The following RNF157 variants were observed in gnomAD, a reference collection of about 807,000 sequenced individuals.
RNF157 encodes ring finger protein 157.
Under a neutral mutation model 88.3 loss-of-function variants are expected in RNF157, and 55 were observed. That is an observed-to-expected ratio of 0.62 (90% CI 0.50 to 0.78). The LOEUF (loss-of-function observed/expected upper bound fraction) is 0.78. Ranked by LOEUF, RNF157 falls within the 30% of genes least tolerant of loss-of-function variation. The probability of loss-of-function intolerance (pLI) is 0.00; values close to 1 mark genes in which losing one functional copy is unlikely to be tolerated. For missense variants in RNF157, 788 were observed against 860.8 expected (o/e 0.92, Z 1.06); for synonymous variants, 334 against 341.2 (o/e 0.98, Z 0.23).
rs2144961975 is a variant in RNF157, at chr17:76,195,895, T to G, written c.207+16469A>C. The stretch of plus-strand genomic sequence containing the variant: ...AGCCCATACCTCCCATACCTGTCAG[T>G]GTGTGCCATGTCAGTTTACTATTGC... On this transcript the variant is annotated intron_variant, in intron 2 of 18. Transcript: ENST00000269391. This position sits in a 1 kb window ranked among gnomAD's most constrained non-coding sequence, Gnocchi z 4.4. Among the ~76,000 whole-genome samples the G allele has an allele frequency of 6.6e-6, 1 of 152,338 alleles. No individual in the cohort carries two copies. The highest frequency in any genetic ancestry group is 2.4e-5 in the African/African-American group (1 of 41,564).
At chr17:76,225,658 G>A (rs1332698780) in intron 1 of RNF157, 1 of 1,101,654 alleles carries the variant, frequency 9.1e-7, no homozygotes, top group Non-Finnish European at 1.2e-6. Context: ...CAAATAATAT[G>A]TATTTTTTTC....
intron 1 of RNF157, among the ~76,000 whole-genome samples, chr17:76,234,408 G>C (rs777909967): frequency 9.9e-5 from 15 of 152,206 alleles, no homozygotes; most frequent in African/African-American, 3.4e-4. Flanking sequence ...TAGAACTGCT[G>C]AGTCATCTAG....
chr17:76,153,568 C>T (rs1282837334), intron 17 of RNF157: 5 of 151,966 alleles, frequency 3.3e-5, no homozygotes, highest in African/African-American at 1.2e-4. Context: ...ATAGTGTTCC[C>T]TGCTTGGGGG....
rs1287835678 is a variant in RNF157, at chr17:76,162,006, G to T, written c.793-4C>A. The T allele has an allele frequency of 6.2e-7, 1 of 1,611,992 alleles. No homozygotes were observed. The highest frequency in any genetic ancestry group is 8.5e-7 in the Non-Finnish European group (1 of 1,178,570). On this transcript the variant is annotated splice_region_variant and splice_polypyrimidine_tract_variant and intron_variant, in intron 9 of 18. Transcript: ENST00000269391. ...CACTCACTTCGTCTTCAGCCACCTG[G>T]CCAAGGAGAAAGAAATGTAGCCAAT...
chr17:76,210,736 A>G (rs2069782075), intron 2 of RNF157, among the ~76,000 whole-genome samples: 2 of 151,950 alleles, frequency 1.3e-5, no homozygotes, highest in African/African-American at 2.4e-5. Context: ...ACCTACCTAC[A>G]AGTCTTAAAT....
In RNF157 at chr17:76,195,245, G is replaced by A. The variant is rs1189700064; in HGVS notation, c.207+17119C>T. 6.6e-6 allele frequency among the ~76,000 whole-genome samples: 1 copy of A among 152,176 alleles called. No homozygotes were observed. The highest frequency in any genetic ancestry group is 1.5e-5 in the Non-Finnish European group (1 of 68,030). ...AGAGCAAGGCTGGAAACAGGAGACTGGGGTTGGTGTGAAAAGCATTTAGAC... is the reference window on the plus strand; with the variant it reads ...AGAGCAAGGCTGGAAACAGGAGACTAGGGTTGGTGTGAAAAGCATTTAGAC... On this transcript the variant is annotated intron_variant, in intron 2 of 18. Coordinates refer to ENST00000269391, the MANE Select transcript of RNF157 (RefSeq NM_052916.3). This position sits in a 1 kb window ranked among gnomAD's most constrained non-coding sequence, Gnocchi z 4.4.
chr17:76,210,391 C>G (rs556650944), intron 2 of RNF157, among the ~76,000 whole-genome samples: 11 of 151,466 alleles, frequency 7.3e-5, no homozygotes, highest in African/African-American at 2.2e-4. Flanking sequence ...CAGATCGAGA[C>G]CATCCTGGCT....
At chr17:76,214,165 AC>A (rs2069849746) in intron 1 of RNF157, among the ~76,000 whole-genome samples, 1 of 152,144 alleles carries the variant, frequency 6.6e-6, no homozygotes, top group South Asian at 2.1e-4. Flanking sequence ...GTGAGATTGC[AC>A]CCTCAACCTG....
At chr17:76,159,106 G>GA (rs1259474490) in intron 12 of RNF157, among the ~76,000 whole-genome samples, 3 of 152,030 alleles carry the variant, frequency 2.0e-5, no homozygotes, top group Non-Finnish European at 2.9e-5. Flanking sequence ...ATCCTTGAAA[G>GA]AAAAAAAGAA....
At chr17:76,165,415 C>T in intron 7 of RNF157, 87 bp downstream of exon 7, 1 of 1,376,508 alleles carries the variant, frequency 7.3e-7, no homozygotes, top group South Asian at 1.2e-5. Flanking sequence ...TTCTGCTGAG[C>T]TCAGGCACCC....
At chr17:76,187,806 C>T (rs1011029961) in intron 2 of RNF157, among the ~76,000 whole-genome samples, 2 of 152,138 alleles carry the variant, frequency 1.3e-5, no homozygotes, top group African/African-American at 4.8e-5. Flanking sequence ...CCATGTTGGT[C>T]AGGCTGCTCT....
intron 1 of RNF157, among the ~76,000 whole-genome samples, chr17:76,229,296 C>A (rs1408120377): frequency 6.6e-6 from 1 of 152,208 alleles, no homozygotes; most frequent in Non-Finnish European, 1.5e-5. Flanking sequence ...AAGGTTTTGA[C>A]TTACAAGAGA....
intron 6 of RNF157, 78 bp downstream of exon 6, chr17:76,166,383 C>T: frequency 3.3e-6 from 4 of 1,201,928 alleles, no homozygotes; most frequent in Non-Finnish European, 5.0e-6. Flanking sequence ...GCATGTTGTT[C>T]TGGGGCCACA....
rs2070285541 is a variant in RNF157, at chr17:76,236,578, T to C, written c.88+3575A>G. Among the ~76,000 whole-genome samples, 4 of 152,322 alleles carry C rather than the reference T, an allele frequency of 2.6e-5. No individual in the cohort carries two copies. The South Asian group carries it at 6.2e-4, about 24-fold the overall frequency. ...TTTCTATGCTAATGTAGAAATGCTA[T>C]ACAGAAACTCCCACCATACTTTCTA... On this transcript the variant is annotated intron_variant, in intron 1 of 18. Coordinates refer to ENST00000269391, the MANE Select transcript of RNF157 (RefSeq NM_052916.3).
At position 76,155,583 on chromosome 17, in the gene RNF157, C is replaced by T. The variant is rs772594167; in HGVS notation, c.1677G>A (p.Arg559=). 1.2e-6 allele frequency: 2 copies of T among 1,612,668 alleles called. No homozygotes were observed. The highest frequency in any genetic ancestry group is 4.5e-5 in the East Asian group (2 of 44,872). ...EALSSPQPAS[R]APSEEGEGLP... ...TTACCTCTCCTTCTTCTGAGGGGGCCCTGCTGGCAGGCTGGGGGGAAGAGA... is the reference window on the plus strand; with the variant it reads ...TTACCTCTCCTTCTTCTGAGGGGGCTCTGCTGGCAGGCTGGGGGGAAGAGA... Residue 559 remains arginine, a synonymous_variant, in exon 15 of 19, where the codon AGG becomes AGA. Coordinates refer to ENST00000269391, the MANE Select transcript of RNF157 (RefSeq NM_052916.3).
intron 2 of RNF157, among the ~76,000 whole-genome samples, 156 bp from the exon 3 acceptor site, chr17:76,173,946 C>A (rs1441270814): frequency 6.6e-6 from 1 of 152,116 alleles, no homozygotes; most frequent in Non-Finnish European, 1.5e-5. Flanking sequence ...CATACTGAGT[C>A]AACCTGCTCA....
chr17:76,173,527 T>G (rs2069052398), intron 3 of RNF157, among the ~76,000 whole-genome samples, 175 bp downstream of exon 3: 2 of 152,120 alleles, frequency 1.3e-5, no homozygotes, highest in African/African-American at 2.4e-5. Context: ...AACATGGGTG[T>G]GGACGGCCTG....
intron 2 of RNF157, among the ~76,000 whole-genome samples, chr17:76,199,502 C>T (rs1191807866): frequency 6.6e-6 from 1 of 150,498 alleles, no homozygotes; most frequent in Non-Finnish European, 1.5e-5. Flanking sequence ...GATCCTCCCA[C>T]TTTGGCCTCC....
At position 76,161,457 on chromosome 17, in the gene RNF157, C is replaced by A; in HGVS notation, c.1065+78G>T. On this transcript the variant is annotated intron_variant, in intron 11 of 18. Coordinates refer to ENST00000269391, the MANE Select transcript of RNF157 (RefSeq NM_052916.3). The surrounding 1 kb of genome is among the most constrained non-coding windows in gnomAD (Gnocchi z 4.6). The stretch of plus-strand genomic sequence containing the variant: ...GGTCTAATTCCTTGCTGCAATGCCA[C>A]GTAGAGAAGCATGAAAAGTTTAAAA... 9.1e-7 allele frequency: 1 copy of A among 1,094,684 alleles called. No homozygotes were observed. Among genetic ancestry groups the A allele is most frequent in the Non-Finnish European group, 1.4e-6 (1 of 710,808 alleles). The allele number at this position is 1,094,684 out of a possible 1,614,324, so 67.8% of individuals were successfully genotyped here.
Sources: allele counts gnomAD v4.1 joint callset (sites outside exome capture counted in the v4.1 genomes callset), GRCh38; gene constraint gnomAD v4.1.1; non-coding constraint Gnocchi (gnomAD v3.1); transcripts MANE v1.5; gene names NCBI Gene and HGNC (gene_info 2026-07-23, HGNC 2026-07-21).